The following ERBB4 variants were observed in gnomAD, a reference collection of about 807,000 sequenced individuals.
ERBB4 encodes the protein receptor tyrosine-protein kinase erbB-4.
ERBB4 carries 42 observed loss-of-function variants against 158.0 expected under a neutral mutation model. That is an observed-to-expected ratio of 0.27 (90% CI 0.21 to 0.34). ERBB4 has a LOEUF of 0.34. Among genes scored for constraint, ERBB4 ranks in the 10% least tolerant of loss-of-function variants. The pLI is 1.00. For missense variants in ERBB4, 1,333 were observed against 1,624.1 expected (o/e 0.82, Z 3.08); for synonymous variants, 583 against 558.7 (o/e 1.04, Z -0.61).
intron 2 of ERBB4, among the ~76,000 whole-genome samples, chr2:211,959,192 T>C (rs1296465631): frequency 6.6e-6 from 1 of 152,068 alleles, no homozygotes; most frequent in Non-Finnish European, 1.5e-5. Flanking sequence ...ATTGTCCCCC[T>C]CTATTTGAGA....
intron 1 of ERBB4, among the ~76,000 whole-genome samples, chr2:212,298,308 A>G (rs780331836): frequency 3.9e-5 from 6 of 151,950 alleles, no homozygotes; most frequent in Non-Finnish European, 4.4e-5. Flanking sequence ...AATAAATACA[A>G]TCACAGATTT....
At chr2:212,363,240 C>A (rs2089759785) in intron 1 of ERBB4, among the ~76,000 whole-genome samples, 1 of 151,178 alleles carries the variant, frequency 6.6e-6, no homozygotes, top group Non-Finnish European at 1.5e-5. Flanking sequence ...GCAAAATATA[C>A]AATATAAAAT....
In ERBB4 at chr2:211,726,082, T is replaced by C. The variant is rs191395285; in HGVS notation, c.623-888A>G. On this transcript the variant is annotated intron_variant, in intron 5 of 27. Transcript: ENST00000342788. ...AAATATTTTTAGGGTATTTAAGGTATGAATTTTACAGGATATGTATAGTAT... is the reference window on the plus strand; with the variant it reads ...AAATATTTTTAGGGTATTTAAGGTACGAATTTTACAGGATATGTATAGTAT... Among the ~76,000 whole-genome samples the C allele has an allele frequency of 4.2e-3, 642 of 152,330 alleles. 4 individuals are homozygous for C. The highest frequency in any genetic ancestry group is 0.015 in the African/African-American group (625 of 41,574).
At chr2:212,145,988 G>GGATA (rs1448594052) in intron 1 of ERBB4, among the ~76,000 whole-genome samples, 1 of 151,970 alleles carries the variant, frequency 6.6e-6, no homozygotes, top group Non-Finnish European at 1.5e-5. Context: ...GGCCCAAAGG[G>GGATA]GATAGTCTAC....
At chr2:211,970,689 A>C (rs77867823) in intron 2 of ERBB4, among the ~76,000 whole-genome samples, 1,867 of 152,128 alleles carry the variant, frequency 0.012, 41 homozygotes, top group African/African-American at 0.043. Context: ...TAAAAATTAG[A>C]ATTGCAACCC....
chr2:212,223,006 T>G (rs1043692514), intron 1 of ERBB4, among the ~76,000 whole-genome samples: 4 of 151,570 alleles, frequency 2.6e-5, no homozygotes, highest in African/African-American at 9.7e-5. Flanking sequence ...TATGCTTCTC[T>G]CTACTTCATG....
chr2:211,385,843 G>A (rs574897941), intron 27 of ERBB4, among the ~76,000 whole-genome samples: 4 of 152,230 alleles, frequency 2.6e-5, no homozygotes, highest in Admixed American at 6.5e-5. Flanking sequence ...CTTCTTTGGG[G>A]TGAATCTGCC....
intron 3 of ERBB4, among the ~76,000 whole-genome samples, chr2:211,853,013 T>C (rs1019765047): frequency 6.6e-6 from 1 of 152,026 alleles, no homozygotes; most frequent in Non-Finnish European, 1.5e-5. Context: ...CACAGCCTAC[T>C]ACTGGATCTA....
intron 2 of ERBB4, among the ~76,000 whole-genome samples, chr2:212,103,584 A>G (rs748617569): frequency 3.3e-5 from 5 of 152,046 alleles, no homozygotes; most frequent in African/African-American, 2.4e-5. Context: ...CTCTTCTGTG[A>G]TCAAAAGATA....
At chr2:212,127,748 C>A (rs990491058) in intron 1 of ERBB4, among the ~76,000 whole-genome samples, 2 of 152,064 alleles carry the variant, frequency 1.3e-5, no homozygotes, top group African/African-American at 4.8e-5. Context: ...ATACCACGTG[C>A]ACACAAAGAC....
intron 3 of ERBB4, among the ~76,000 whole-genome samples, chr2:211,838,217 T>C (rs956996280): frequency 2.0e-5 from 3 of 152,018 alleles, no homozygotes; most frequent in African/African-American, 7.2e-5. Context: ...GTCTGGTTAT[T>C]TGAGTAATTT....
At chr2:212,281,326 G>A (rs950340751) in intron 1 of ERBB4, among the ~76,000 whole-genome samples, 1 of 151,672 alleles carries the variant, frequency 6.6e-6, no homozygotes, top group African/African-American at 2.4e-5. Flanking sequence ...ACGGGAATTA[G>A]TGTAAAATTT....
At chr2:211,658,782 T>G (rs150704108) in intron 15 of ERBB4, among the ~76,000 whole-genome samples, 10 of 152,270 alleles carry the variant, frequency 6.6e-5, no homozygotes, top group Admixed American at 4.6e-4. Flanking sequence ...ACAGTGAGAC[T>G]AACATTTAAA....
chr2:212,509,851 T>C (rs143385118), intron 1 of ERBB4, among the ~76,000 whole-genome samples: 2 of 152,012 alleles, frequency 1.3e-5, no homozygotes, highest in Admixed American at 6.6e-5. Context: ...ATGATATGAG[T>C]TTCATTTTCA....
At chr2:211,812,643 C>A (rs1274441884) in intron 3 of ERBB4, among the ~76,000 whole-genome samples, 1 of 152,220 alleles carries the variant, frequency 6.6e-6, no homozygotes, top group African/African-American at 2.4e-5. Flanking sequence ...GCCCTGCCCC[C>A]AGAGGTGGAG....
intron 1 of ERBB4, among the ~76,000 whole-genome samples, chr2:212,333,784 T>C (rs987297474): frequency 6.6e-6 from 1 of 151,974 alleles, no homozygotes; most frequent in Admixed American, 6.6e-5. Context: ...TTCTGGTCAT[T>C]ATGATGAGCT....
Position 211,428,391 on chromosome 2 carries a change from A to G in ERBB4, c.2719+17T>C, listed in dbSNP as rs2063679607. On this transcript the variant is annotated intron_variant, in intron 22 of 27. Transcript: ENST00000342788. ...TTTTGCTTTACAAGCTTTAATTCGC[A>G]AAGAAGATTTATTTACCATAGCTCC... 11 of 1,470,662 alleles carry G rather than the reference A, an allele frequency of 7.5e-6. No individual in the cohort carries two copies. Among genetic ancestry groups the G allele is most frequent in the Non-Finnish European group, 1.0e-5 (11 of 1,050,262 alleles). The allele number at this position is 1,470,662 out of a possible 1,614,324, so 91.1% of individuals were successfully genotyped here.
chr2:211,497,857 A>T (rs193285226), intron 20 of ERBB4, among the ~76,000 whole-genome samples: 2 of 152,232 alleles, frequency 1.3e-5, no homozygotes, highest in Admixed American at 6.5e-5. Context: ...AAGTTGCTTA[A>T]TTTTTCACAT....
intron 2 of ERBB4, among the ~76,000 whole-genome samples, chr2:212,075,257 A>G (rs955751193): frequency 2.0e-5 from 3 of 151,914 alleles, no homozygotes; most frequent in Non-Finnish European, 2.9e-5. Flanking sequence ...AGCTATATTT[A>G]TTGTGTAAGA....
Sources: allele counts gnomAD v4.1 joint callset (sites outside exome capture counted in the v4.1 genomes callset), GRCh38; gene constraint gnomAD v4.1.1; transcripts MANE v1.5; gene names NCBI Gene and HGNC (gene_info 2026-07-23, HGNC 2026-07-21).